Variants in BTN2A1 observed in about 807,000 individuals in gnomAD.
BTN2A1 encodes the protein butyrophilin, subfamily 2, member A1.
In BTN2A1, 41 loss-of-function variants were observed where a neutral mutation model predicts 34.5. The observed-to-expected ratio is 1.19, with a 90% CI of 0.93 to 1.54. BTN2A1 has a LOEUF of 1.54. BTN2A1 is among the 40% of genes most tolerant of loss of function. The pLI is 0.00. For missense variants in BTN2A1, 642 were observed against 662.0 expected, an observed-to-expected ratio of 0.97 and a Z score of 0.33; for synonymous variants, 267 against 258.6, an observed-to-expected ratio of 1.03 and a Z score of -0.31.
In BTN2A1 at chr6:26,468,027, C is replaced by T; in HGVS notation, c.1062C>T (p.Pro354=). ...ACCGGAGAAGTGTGAGAAGGTGCCC[C>T]TTCAGGCACCTAGGGGAGAGCGTGC... ...SEDRRSVRRC[P]FRHLGESVPD... Residue 354 remains proline (P), a synonymous_variant, in exon 8 of 8, where the codon CCC becomes CCT. Coordinates refer to ENST00000312541, the MANE Select transcript of BTN2A1 (RefSeq NM_007049.5). The T allele has an allele frequency of 6.2e-7, 1 of 1,614,228 alleles. No homozygotes were observed. Among genetic ancestry groups the T allele is most frequent in the Non-Finnish European group, 8.5e-7 (1 of 1,180,034 alleles).
chr6:26,470,662 G>A (rs1343219756), downstream of BTN2A1, among the ~76,000 whole-genome samples: 1 of 152,080 alleles, frequency 6.6e-6, no homozygotes, highest in East Asian at 1.9e-4. Flanking sequence ...GCAGAGGAAA[G>A]GTGAATTCTC....
Position 26,469,215 on chromosome 6 carries a change from C to T in BTN2A1, c.*666C>T, listed in dbSNP as rs544890494. 22 of 1,032,996 alleles carry T rather than the reference C, an allele frequency of 2.1e-5. No individual in the cohort carries two copies. The Admixed American group carries it at 7.0e-4, about 33-fold the overall frequency. The allele number at this position is 1,032,996 out of a possible 1,614,324, so 64.0% of individuals were successfully genotyped here. On this transcript the variant is annotated 3_prime_UTR_variant, in exon 8 of 8. Coordinates refer to ENST00000312541, the MANE Select transcript of BTN2A1 (RefSeq NM_007049.5). ...TGGATGTAGTTTGGCTCAGGTGTCC[C>T]TGCAGTTGGCAAGGAGTCAGTACTC...
Position 26,468,105 on chromosome 6 carries a change from C to T in BTN2A1, c.1140C>T (p.Ser380=), listed in dbSNP as rs1388507548. ...AGCCTTGTGTCCTAGGCCGGGAGAG[C>T]TTCGCTTCAGGGAAACATTACTGGG... ...DSQPCVLGRE[S]FASGKHYWEV... The change falls in exon 8 of 8, where the codon AGC becomes AGT. Residue 380 remains serine, a synonymous_variant. Transcript: ENST00000312541. The T allele has an allele frequency of 6.2e-7, 1 of 1,614,228 alleles. No homozygotes were observed. The highest frequency in any genetic ancestry group is 1.1e-5 in the South Asian group (1 of 91,082).
chr6:26,459,392 A>C, intron 2 of BTN2A1, 89 bp from the exon 3 acceptor site: 1 of 1,422,064 alleles, frequency 7.0e-7, no homozygotes, highest in Middle Eastern at 1.8e-4. Flanking sequence ...TGGAAAAAAT[A>C]AGTTTGTCCC....
At chr6:26,470,353 AAG>A (rs1763426628), downstream of BTN2A1, among the ~76,000 whole-genome samples, 1 of 152,012 alleles carries the variant, frequency 6.6e-6, no homozygotes, top group South Asian at 2.1e-4. Flanking sequence ...GTCTCAAACA[AAG>A]AGGGGGAGGG....
intron 3 of BTN2A1, among the ~76,000 whole-genome samples, chr6:26,461,761 C>A (rs1763170373): frequency 6.7e-6 from 1 of 149,966 alleles, no homozygotes; most frequent in Non-Finnish European, 1.5e-5. Flanking sequence ...CTAGCCTGGG[C>A]TACAGAGCAA....
At position 26,468,212 on chromosome 6, in the gene BTN2A1, T is replaced by C. The variant is rs761012388; in HGVS notation, c.1247T>C (p.Ile416Thr). 3.7e-6 allele frequency: 6 copies of C among 1,614,072 alleles called. No individual in the cohort carries two copies. The highest frequency in any genetic ancestry group is 5.1e-6 in the Non-Finnish European group (6 of 1,180,030). ...SVERKGEVLL[I>T]PQNGFWTLEM... Reference sequence around the variant, plus strand: ...GAGAGGAAAGGGGAGGTCCTGCTGATTCCTCAGAATGGCTTCTGGACCTTG... The same window carrying C: ...GAGAGGAAAGGGGAGGTCCTGCTGACTCCTCAGAATGGCTTCTGGACCTTG... Residue 416 changes from isoleucine to threonine, a missense_variant, in exon 8 of 8, where the codon ATT becomes ACT. Physicochemically the swap from Ile to Thr is moderately conservative, Grantham distance 89. Transcript: ENST00000312541.
At chr6:26,463,802 C>T (rs1763239403) in intron 4 of BTN2A1, among the ~76,000 whole-genome samples, 1 of 151,854 alleles carries the variant, frequency 6.6e-6, no homozygotes, top group African/African-American at 2.4e-5. Flanking sequence ...GGTCCTTACA[C>T]TGCTGCAATT....
intron 3 of BTN2A1, chr6:26,462,648 T>TC (rs1763195759): frequency 2.7e-6 from 1 of 365,600 alleles, no homozygotes; most frequent in Admixed American, 3.4e-5. Context: ...CTGTCAAGTC[T>TC]CCTAAAAACC....
intron 3 of BTN2A1, chr6:26,463,003 G>A: frequency 1.0e-6 from 1 of 980,742 alleles, no homozygotes; most frequent in Non-Finnish European, 1.4e-6. Flanking sequence ...AGAAAAGGGT[G>A]CAATGGGATC....
Position 26,463,594 on chromosome 6 carries a change from A to G in BTN2A1, c.712+69A>G, listed in dbSNP as rs559126711. 4.0e-5 allele frequency: 61 copies of G among 1,538,772 alleles called. No individual in the cohort carries two copies. The East Asian group carries it at 4.1e-4, about 10-fold the overall frequency. On this transcript the variant is annotated intron_variant, in intron 4 of 7. Transcript: ENST00000312541. ...CCTCAGCACACAGATGGAGCCCAGA[A>G]CGGGGATGGGGGCAGCAGTGTGGGT...
chr6:26,474,757 CT>C lies in BTN2A1; in HGVS notation c.983-1351del, dbSNP rs11445433. ...TACAGTCAGAAAGGAGCAAAGACTC[CT>C]TTTTTTTTTTTTTGTCAGAGTCTCA... On this transcript the variant is annotated intron_variant, in intron 7 of 7. Coordinates refer to the BTN2A1 transcript ENST00000469185. Among the ~76,000 whole-genome samples the C allele has an allele frequency of 2.0e-3, 283 of 142,382 alleles. 1 individual carries two copies. Among genetic ancestry groups the C allele is most frequent in the Non-Finnish European group, 2.7e-3 (175 of 65,624 alleles). The allele number at this position is 142,382 out of a possible 152,430, so 93.4% of individuals were successfully genotyped here.
At chr6:26,465,875 T>C in intron 5 of BTN2A1, 78 bp from the exon 6 acceptor site, 1 of 1,606,932 alleles carries the variant, frequency 6.2e-7, no homozygotes, top group South Asian at 1.1e-5. Flanking sequence ...GAAAGGACGG[T>C]TCCTGCATTG....
intron 2 of BTN2A1, among the ~76,000 whole-genome samples, chr6:26,459,192 G>A (rs891417304): frequency 1.4e-4 from 22 of 152,162 alleles, no homozygotes; most frequent in Admixed American, 3.3e-4. Flanking sequence ...CTCAGGCACA[G>A]CACTAGATTG....
At chr6:26,475,123 T>C (rs533573844) in intron 7 of BTN2A1, among the ~76,000 whole-genome samples, 53 of 152,282 alleles carry the variant, frequency 3.5e-4, no homozygotes, top group Middle Eastern at 3.4e-3. Context: ...TTCCAAAAGG[T>C]TCTAAAAAGA....
intron 7 of BTN2A1, among the ~76,000 whole-genome samples, chr6:26,474,859 T>C (rs974122342): frequency 1.3e-5 from 2 of 151,784 alleles, no homozygotes; most frequent in African/African-American, 4.8e-5. Context: ...AGCAATTCTC[T>C]GGCCTCAGCC....
chr6:26,464,097 C>T (rs1244389693), intron 4 of BTN2A1, among the ~76,000 whole-genome samples: 2 of 152,136 alleles, frequency 1.3e-5, no homozygotes, highest in Admixed American at 6.5e-5. Flanking sequence ...CCACCATACC[C>T]GGCCAGCAAT....
In BTN2A1 at chr6:26,459,546, C is replaced by T. The variant is rs368917304; in HGVS notation, c.148C>T (p.Arg50Cys). Residue 50 changes from arginine to cysteine, a missense_variant, in exon 3 of 8, where the codon CGC becomes TGC. By Grantham distance (180) the Arg-to-Cys change is radical (BLOSUM62 -3). Coordinates refer to ENST00000312541, the MANE Select transcript of BTN2A1 (RefSeq NM_007049.5). ...LATVGENTTL[R>C]CHLSPEKNAE... is the part of the protein sequence containing the mutation. ...CACGGTTGGAGAAAACACTACGTTA[C>T]GCTGCCATCTGTCACCCGAGAAAAA... The T allele has an allele frequency of 9.9e-6, 16 of 1,613,892 alleles. No individual in the cohort carries two copies. The highest frequency in any genetic ancestry group is 3.3e-5 in the Admixed American group (2 of 59,996).
At position 26,469,112 on chromosome 6, in the gene BTN2A1, C is replaced by T. The variant is rs1178115216; in HGVS notation, c.*563C>T. Reference sequence around the variant, plus strand: ...CCTGGGAGATGATGGCTCATTTCCACCCAGCCCCAGGATTTCCAGAGCGCA... The same window carrying T: ...CCTGGGAGATGATGGCTCATTTCCATCCAGCCCCAGGATTTCCAGAGCGCA... On this transcript the variant is annotated 3_prime_UTR_variant, in exon 8 of 8. Coordinates refer to ENST00000312541, the MANE Select transcript of BTN2A1 (RefSeq NM_007049.5). The T allele has an allele frequency of 8.2e-6, 9 of 1,098,858 alleles. No homozygotes were observed. Among genetic ancestry groups the T allele is most frequent in the Non-Finnish European group, 8.9e-6 (8 of 896,232 alleles). 68.1% of individuals were successfully genotyped at this position (1,098,858 alleles called of 1,614,324 possible).
Sources: gnomAD v4.1 joint callset for allele counts (sites outside exome capture counted in the v4.1 genomes callset) on GRCh38, gnomAD v4.1.1 for gene constraint, MANE v1.5 for transcripts, NCBI Gene and HGNC (gene_info 2026-07-23, HGNC 2026-07-21) for gene names.